Variants in NT5DC1 observed in about 807,000 individuals in gnomAD.
NT5DC1 encodes the protein 5'-nucleotidase domain containing 1.
In NT5DC1, 42 loss-of-function variants were observed where a neutral mutation model predicts 59.4. The ratio of observed to expected loss-of-function variants is 0.71; its 90% CI spans 0.55 to 0.92. The LOEUF is 0.92. Ranked by LOEUF, NT5DC1 falls within the 40% of genes least tolerant of loss-of-function variation. The pLI is 0.00. For missense variants in NT5DC1, 501 were observed against 537.1 expected (o/e 0.93, Z 0.66); for synonymous variants, 172 against 188.1 (o/e 0.91, Z 0.70).
chr6:116,241,487 A>G (rs1421498350), intron 11 of NT5DC1, among the ~76,000 whole-genome samples: 1 of 152,266 alleles, frequency 6.6e-6, no homozygotes, highest in African/African-American at 2.4e-5. Context: ...GGATAAGACT[A>G]TGTTCAGTAT....
At chr6:116,129,590 G>A (rs1032448433) in intron 6 of NT5DC1, among the ~76,000 whole-genome samples, 1 of 152,140 alleles carries the variant, frequency 6.6e-6, no homozygotes. Context: ...TCTGCCATGC[G>A]ATACTACAGC....
intron 1 of NT5DC1, among the ~76,000 whole-genome samples, chr6:116,105,555 G>T (rs1338545010): frequency 1.3e-5 from 2 of 152,120 alleles, no homozygotes; most frequent in Non-Finnish European, 2.9e-5. Context: ...TTTTTGTTTG[G>T]TATGTACAGT....
At chr6:116,188,759 C>T (rs1045402319) in intron 6 of NT5DC1, among the ~76,000 whole-genome samples, 5 of 151,084 alleles carry the variant, frequency 3.3e-5, no homozygotes, top group African/African-American at 1.2e-4. Flanking sequence ...AACATTTCAA[C>T]CAAAGCACAG....
chr6:116,237,667 G>C (rs1248123099), intron 9 of NT5DC1: 1 of 348,870 alleles, frequency 2.9e-6, no homozygotes, highest in East Asian at 7.4e-5. Context: ...GGAGTCCTCA[G>C]ACTCCATTGC....
rs367938425 is a variant in NT5DC1 at position 116,107,793 on chromosome 6, C to T, written c.186-571C>T. ...TTCACCGTGTTAGCCAGGATGGTCT[C>T]GATCTCCTGACCTCGTGATCCGCCC... On this transcript the variant is annotated intron_variant, in intron 2 of 11. Transcript: ENST00000319550. Among the ~76,000 whole-genome samples the T allele has an allele frequency of 2.6e-3, 388 of 152,060 alleles. 9 individuals are homozygous for T. The South Asian group carries it at 0.043, about 17-fold the overall frequency.
chr6:116,167,577 T>C (rs1355469111), intron 6 of NT5DC1, among the ~76,000 whole-genome samples: 1 of 152,200 alleles, frequency 6.6e-6, no homozygotes, highest in East Asian at 1.9e-4. Flanking sequence ...ACTGATTTCA[T>C]TTGATAAAAT....
intron 6 of NT5DC1, among the ~76,000 whole-genome samples, chr6:116,153,392 C>T (rs1369074411): frequency 6.6e-6 from 1 of 152,106 alleles, no homozygotes. Context: ...GATCTAATAT[C>T]TGTTGTCAGA....
chr6:116,244,023 A>G lies in NT5DC1; in HGVS notation c.1367A>G (p.Ter456=). ...LSSDETLISK[*] is the part of the protein sequence containing the mutation. ...AGTGATGAGACACTGATATCCAAATAAGTTGTCTTTACTGAAAAATGAAGT... is the reference window on the plus strand; with the variant it reads ...AGTGATGAGACACTGATATCCAAATGAGTTGTCTTTACTGAAAAATGAAGT... Residue 456 remains the stop codon, a stop_retained_variant, in exon 12 of 12, where the codon TAA becomes TGA. Transcript: ENST00000319550. 1 of 1,283,030 alleles carries G rather than the reference A, an allele frequency of 7.8e-7. No individual in the cohort carries two copies. Among genetic ancestry groups the G allele is most frequent in the Non-Finnish European group, 1.1e-6 (1 of 900,396 alleles). 79.5% of individuals were successfully genotyped at this position (1,283,030 alleles called of 1,614,324 possible).
rs971198039 is a variant in NT5DC1, at chr6:116,139,460, G to A, written c.529+21515G>A. 3.3e-5 allele frequency among the ~76,000 whole-genome samples: 5 copies of A among 151,866 alleles called. No individual in the cohort carries two copies. In the East Asian group the frequency reaches 5.8e-4, roughly 18 times the overall value. On this transcript the variant is annotated intron_variant, in intron 6 of 11. Coordinates refer to ENST00000319550, the MANE Select transcript of NT5DC1 (RefSeq NM_152729.3). Reference sequence around the variant, plus strand: ...TATACTTTTTTTAACTTTCAGTGTCGATACCACAAAATTCTTGTACATTTT... The same window carrying A: ...TATACTTTTTTTAACTTTCAGTGTCAATACCACAAAATTCTTGTACATTTT...
intron 6 of NT5DC1, among the ~76,000 whole-genome samples, chr6:116,184,325 A>G (rs549256185): frequency 6.6e-6 from 1 of 152,140 alleles, no homozygotes; most frequent in South Asian, 2.1e-4. Flanking sequence ...AGGATTTTGC[A>G]TTTATGTTCA....
At chr6:116,135,884 C>CAT (rs1162896628) in intron 6 of NT5DC1, among the ~76,000 whole-genome samples, 109 of 141,402 alleles carry the variant, frequency 7.7e-4, no homozygotes, top group African/African-American at 2.8e-3. Flanking sequence ...CACACATACA[C>CAT]ACACATTGCT....
intron 6 of NT5DC1, among the ~76,000 whole-genome samples, chr6:116,156,238 G>GT (rs1780190225): frequency 6.6e-6 from 1 of 152,036 alleles, no homozygotes; most frequent in South Asian, 2.1e-4. Context: ...ACTTTCTGTA[G>GT]TTTTTTCCTC....
At chr6:116,205,805 G>A (rs1337530361) in intron 6 of NT5DC1, among the ~76,000 whole-genome samples, 1 of 151,944 alleles carries the variant, frequency 6.6e-6, no homozygotes, top group African/African-American at 2.4e-5. Flanking sequence ...ATGACAGTAA[G>A]GAATGTGTAA....
chr6:116,199,734 TG>T (rs1360034697), intron 6 of NT5DC1, among the ~76,000 whole-genome samples: 1 of 152,006 alleles, frequency 6.6e-6, no homozygotes, highest in Non-Finnish European at 1.5e-5. Context: ...GAGCTCCCAA[TG>T]GCTAATGCTG....
intron 4 of NT5DC1, among the ~76,000 whole-genome samples, chr6:116,111,847 T>C (rs1562118248): frequency 6.6e-6 from 1 of 152,312 alleles, no homozygotes; most frequent in East Asian, 1.9e-4. Flanking sequence ...TGGGGTTAGA[T>C]ATAGAATGCC....
chr6:116,109,781 T>C (rs879394659), intron 3 of NT5DC1, among the ~76,000 whole-genome samples: 4 of 152,210 alleles, frequency 2.6e-5, no homozygotes, highest in Non-Finnish European at 5.9e-5. Flanking sequence ...TTTATTTCTT[T>C]TTTCCTTCAT....
intron 6 of NT5DC1, chr6:116,119,772 T>G: frequency 8.0e-6 from 2 of 250,720 alleles, no homozygotes; most frequent in Non-Finnish European, 1.5e-5. Context: ...TTTTTTGTTG[T>G]TTGTTTTTTG....
intron 6 of NT5DC1, among the ~76,000 whole-genome samples, chr6:116,213,561 C>T (rs892344288): frequency 6.6e-6 from 1 of 152,110 alleles, no homozygotes; most frequent in Non-Finnish European, 1.5e-5. Context: ...AACTCCAACT[C>T]TAGACATATG....
chr6:116,182,492 C>T (rs1268898603), intron 6 of NT5DC1, among the ~76,000 whole-genome samples: 4 of 152,128 alleles, frequency 2.6e-5, no homozygotes, highest in Admixed American at 1.3e-4. Context: ...TACTAGTTTA[C>T]ATACCCACCA....
Sources: allele counts gnomAD v4.1 joint callset (sites outside exome capture counted in the v4.1 genomes callset), GRCh38; gene constraint gnomAD v4.1.1; transcripts MANE v1.5; gene names NCBI Gene and HGNC (gene_info 2026-07-23, HGNC 2026-07-21).